Variants in PTPN4 observed in about 807,000 individuals in gnomAD.
PTPN4 encodes protein tyrosine phosphatase non-receptor type 4.
PTPN4 carries 49 observed loss-of-function variants against 135.5 expected under a neutral mutation model. The ratio of observed to expected loss-of-function variants is 0.36; its 90% confidence interval spans 0.29 to 0.46. The LOEUF (loss-of-function observed/expected upper bound fraction) is 0.46. PTPN4 is among the 20% of genes least tolerant of loss of function. The probability of loss-of-function intolerance (pLI) is 1.00; values close to 1 mark genes in which losing one functional copy is unlikely to be tolerated. For synonymous variants in PTPN4, 333 were observed against 369.9 expected, an observed-to-expected ratio of 0.90 and a Z score of 1.14; for missense variants, 860 against 1,101.0, an observed-to-expected ratio of 0.78 and a Z score of 3.10.
intron 15 of PTPN4, among the ~76,000 whole-genome samples, chr2:119,940,517 G>A (rs964108424): frequency 2.0e-4 from 30 of 152,148 alleles, no homozygotes; most frequent in East Asian, 1.7e-3. Context: ...GCATAGTGGC[G>A]CAATTATAGC....
intron 2 of PTPN4, among the ~76,000 whole-genome samples, chr2:119,845,255 A>AGGGGGC (rs1558742991): frequency 6.9e-5 from 1 of 14,446 alleles, no homozygotes; most frequent in Non-Finnish European, 1.4e-4. Context: ...GGGGAGGGGG[A>AGGGGGC]GGGGGAGGGG....
intron 13 of PTPN4, among the ~76,000 whole-genome samples, chr2:119,932,128 A>C (rs1443810193): frequency 1.3e-5 from 2 of 152,152 alleles, no homozygotes; most frequent in Admixed American, 1.3e-4. Context: ...TTTGGTAGCA[A>C]ACCCTTCCCT....
intron 1 of PTPN4, among the ~76,000 whole-genome samples, chr2:119,774,159 A>G (rs1017121655): frequency 6.6e-6 from 1 of 152,174 alleles, no homozygotes; most frequent in African/African-American, 2.4e-5. Flanking sequence ...GCTATGTTTC[A>G]TCATGTTTAG....
At chr2:119,782,493 G>T (rs1210833667) in intron 1 of PTPN4, among the ~76,000 whole-genome samples, 1 of 152,008 alleles carries the variant, frequency 6.6e-6, no homozygotes, top group Admixed American at 6.6e-5. Context: ...ATGTGGCATG[G>T]TTCCTATATA....
At chr2:119,832,627 AT>A (rs1386040000) in intron 2 of PTPN4, among the ~76,000 whole-genome samples, 2 of 151,764 alleles carry the variant, frequency 1.3e-5, no homozygotes, top group African/African-American at 4.8e-5. Flanking sequence ...TTTCAATTTG[AT>A]TTCCCCCCTA....
intron 15 of PTPN4, among the ~76,000 whole-genome samples, chr2:119,939,979 C>T (rs936594277): frequency 6.6e-6 from 1 of 152,178 alleles, no homozygotes; most frequent in Non-Finnish European, 1.5e-5. Context: ...AGACTAATTA[C>T]AGGTCCCCGG....
At chr2:119,838,378 G>T (rs533483649) in intron 2 of PTPN4, among the ~76,000 whole-genome samples, 3 of 152,230 alleles carry the variant, frequency 2.0e-5, no homozygotes, top group African/African-American at 7.2e-5. Context: ...TCTGGCTGCC[G>T]AAGTGACACC....
intron 13 of PTPN4, among the ~76,000 whole-genome samples, chr2:119,928,077 T>C (rs1678851161): frequency 6.6e-6 from 1 of 152,200 alleles, no homozygotes; most frequent in South Asian, 2.1e-4. Flanking sequence ...CATATACTCA[T>C]AGAGACATTT....
At chr2:119,761,344 A>G (rs1168999287) in intron 1 of PTPN4, among the ~76,000 whole-genome samples, 4 of 152,214 alleles carry the variant, frequency 2.6e-5, no homozygotes, top group Non-Finnish European at 5.9e-5. Context: ...TGCCAGAGGA[A>G]AAAAATTTTT....
chr2:119,955,031 G>A (rs1343951335), intron 19 of PTPN4, 126 bp from the exon 20 acceptor site: 1 of 866,562 alleles, frequency 1.2e-6, no homozygotes, highest in East Asian at 2.7e-5. Flanking sequence ...ACTCAGATCT[G>A]GTGTAATTCT....
At chr2:119,873,235 C>G (rs962362171) in intron 3 of PTPN4, among the ~76,000 whole-genome samples, 1 of 151,668 alleles carries the variant, frequency 6.6e-6, no homozygotes, top group Non-Finnish European at 1.5e-5. Context: ...TATCTTTCCC[C>G]TAATTTGCAG....
chr2:119,841,181 A>G (rs909826857), intron 2 of PTPN4, among the ~76,000 whole-genome samples: 1 of 152,140 alleles, frequency 6.6e-6, no homozygotes, highest in African/African-American at 2.4e-5. Context: ...CATAATTTTA[A>G]AAATTATTTT....
intron 3 of PTPN4, among the ~76,000 whole-genome samples, chr2:119,867,861 A>G (rs1053284269): frequency 6.6e-6 from 1 of 152,206 alleles, no homozygotes; most frequent in Non-Finnish European, 1.5e-5. Context: ...TCTTTTGTAA[A>G]TAGGGACAGT....
rs1292061182 is a variant in PTPN4 at position 119,946,501 on chromosome 2, C to G, written c.1600-17C>G. 1 of 1,602,658 alleles carries G rather than the reference C, an allele frequency of 6.2e-7. No individual in the cohort carries two copies. Among genetic ancestry groups the G allele is most frequent in the Middle Eastern group, 1.7e-4 (1 of 6,012 alleles). On this transcript the variant is annotated splice_polypyrimidine_tract_variant and intron_variant, in intron 17 of 26. Coordinates refer to ENST00000263708, the MANE Select transcript of PTPN4 (RefSeq NM_002830.4). ...TTGGTAATATTTGACTAACATTTTA[C>G]TTATTCTCTTTTTAAGGGAGGATAT... is the stretch of plus-strand genomic sequence containing the variant.
chr2:119,914,163 C>T (rs1038916593), intron 10 of PTPN4, among the ~76,000 whole-genome samples: 8 of 149,814 alleles, frequency 5.3e-5, no homozygotes, highest in African/African-American at 2.0e-4. Flanking sequence ...TGTTGTTTAA[C>T]TTCTGAAATA....
chr2:119,844,228 C>T (rs1243375523), intron 2 of PTPN4, among the ~76,000 whole-genome samples: 28 of 128,894 alleles, frequency 2.2e-4, no homozygotes, highest in Middle Eastern at 5.7e-3. Flanking sequence ...TAGGGGCGGG[C>T]GGGCAGAGGC....
In PTPN4 at chr2:119,878,622, A is replaced by G. The variant is rs1299996007; in HGVS notation, c.368+1080A>G. Among the ~76,000 whole-genome samples, 4 of 151,924 alleles carry G rather than the reference A, an allele frequency of 2.6e-5. No individual in the cohort carries two copies. In the East Asian group the frequency reaches 7.7e-4, roughly 29 times the overall value. On this transcript the variant is annotated intron_variant, in intron 5 of 26. Transcript: ENST00000263708. ...TTTTCAGTAGTAAACCAAGTGAGAA[A>G]AATTAGATTGAAATTCTAGAGATTT...
chr2:119,794,557 G>A (rs1007526591), intron 1 of PTPN4, among the ~76,000 whole-genome samples: 15 of 152,342 alleles, frequency 9.8e-5, no homozygotes, highest in African/African-American at 2.9e-4. Flanking sequence ...CAGCTTCCAC[G>A]GCTGACGCTG....
At chr2:119,940,426 T>C (rs142488363) in intron 15 of PTPN4, among the ~76,000 whole-genome samples, 2 of 152,330 alleles carry the variant, frequency 1.3e-5, no homozygotes, top group East Asian at 3.9e-4. Flanking sequence ...AAATAAGACA[T>C]GTTCTCTTGA....
Sources: gnomAD v4.1 joint callset for allele counts (sites outside exome capture counted in the v4.1 genomes callset) on GRCh38, gnomAD v4.1.1 for gene constraint, MANE v1.5 for transcripts, NCBI Gene and HGNC (gene_info 2026-07-23, HGNC 2026-07-21) for gene names.